The following IMMP2L variants were observed in gnomAD, a reference collection of about 807,000 sequenced individuals.
IMMP2L encodes the protein mitochondrial inner membrane protease subunit 2.
A neutral mutation model predicts 19.3 loss-of-function variants in IMMP2L; 18 were observed. The ratio of observed to expected loss-of-function variants is 0.93; its 90% CI spans 0.64 to 1.38. The LOEUF is 1.38. IMMP2L is among the 40% of genes most tolerant of loss of function. The pLI is 0.00. For missense variants in IMMP2L, 233 were observed against 218.2 expected (o/e 1.07, Z -0.43); for synonymous variants, 76 against 73.0 (o/e 1.04, Z -0.21).
chr7:111,107,801 T>A (rs1049831244), intron 3 of IMMP2L, among the ~76,000 whole-genome samples: 3 of 152,144 alleles, frequency 2.0e-5, no homozygotes, highest in African/African-American at 7.2e-5. Flanking sequence ...TTGCAACATT[T>A]CAAAGCTCTT....
intron 5 of IMMP2L, among the ~76,000 whole-genome samples, chr7:110,748,651 G>T (rs1797520847): frequency 6.6e-6 from 1 of 152,106 alleles, no homozygotes; most frequent in African/African-American, 2.4e-5. Context: ...AATGAGGAAA[G>T]GATTCCCTAT....
chr7:110,736,610 G>A (rs1796654319), intron 5 of IMMP2L, among the ~76,000 whole-genome samples: 1 of 149,208 alleles, frequency 6.7e-6, no homozygotes, highest in South Asian at 2.2e-4. Context: ...TAGAGTCAAA[G>A]ATCATTCTCA....
intron 2 of IMMP2L, among the ~76,000 whole-genome samples, chr7:111,496,257 C>T (rs1343047877): frequency 1.3e-5 from 2 of 152,220 alleles, no homozygotes; most frequent in South Asian, 2.1e-4. Flanking sequence ...ATTTGTCTCA[C>T]TAGGTGTGCA....
At position 110,769,280 on chromosome 7, in the gene IMMP2L, A is replaced by C. The variant is rs568835636; in HGVS notation, c.409-105559T>G. 3.9e-5 allele frequency among the ~76,000 whole-genome samples: 6 copies of C among 152,268 alleles called. No homozygotes were observed. The South Asian group carries it at 1.2e-3, about 32-fold the overall frequency. The stretch of plus-strand genomic sequence containing the variant: ...GCCTTTTTAGCTCTTAAACATCCAC[A>C]TTCACTTCCATGCCATTTTGCATTC... On this transcript the variant is annotated intron_variant, in intron 5 of 5. Coordinates refer to ENST00000405709, the MANE Select transcript of IMMP2L (RefSeq NM_032549.4).
intron 3 of IMMP2L, among the ~76,000 whole-genome samples, chr7:111,144,138 T>C (rs1324455402): frequency 6.6e-6 from 1 of 152,174 alleles, no homozygotes; most frequent in African/African-American, 2.4e-5. Flanking sequence ...GCCAAAACTA[T>C]GAGCACAAAT....
At chr7:111,339,015 G>A (rs1704351690) in intron 3 of IMMP2L, among the ~76,000 whole-genome samples, 1 of 151,960 alleles carries the variant, frequency 6.6e-6, no homozygotes, top group African/African-American at 2.4e-5. Flanking sequence ...TTGTACAAAC[G>A]ATTCTTCCTT....
At chr7:111,513,885 G>A (rs2132594921) in intron 2 of IMMP2L, among the ~76,000 whole-genome samples, 1 of 152,126 alleles carries the variant, frequency 6.6e-6, no homozygotes, top group Admixed American at 6.5e-5. Context: ...ATTTGTGACA[G>A]TGTGGATGAA....
chr7:110,930,781 G>A (rs895802642), intron 4 of IMMP2L, among the ~76,000 whole-genome samples: 2 of 152,138 alleles, frequency 1.3e-5, no homozygotes, highest in Non-Finnish European at 2.9e-5. Context: ...TTTCCACAAA[G>A]TTTAACTACC....
At chr7:111,181,750 T>A (rs1807732332) in intron 3 of IMMP2L, among the ~76,000 whole-genome samples, 1 of 152,022 alleles carries the variant, frequency 6.6e-6, no homozygotes, top group Non-Finnish European at 1.5e-5. Flanking sequence ...AACAAAAAGT[T>A]GACCGTAACT....
At chr7:110,958,439 A>G (rs755299183) in intron 4 of IMMP2L, among the ~76,000 whole-genome samples, 1 of 152,074 alleles carries the variant, frequency 6.6e-6, no homozygotes, top group Non-Finnish European at 1.5e-5. Context: ...AATTTCAAAC[A>G]AATCTTTAAA....
At chr7:111,512,911 A>G (rs921921567) in intron 2 of IMMP2L, among the ~76,000 whole-genome samples, 3 of 152,134 alleles carry the variant, frequency 2.0e-5, no homozygotes, top group Non-Finnish European at 2.9e-5. Context: ...GAAGAAGAAT[A>G]AAATCAGACC....
At chr7:111,055,467 G>T (rs1443552010) in intron 3 of IMMP2L, among the ~76,000 whole-genome samples, 1 of 152,152 alleles carries the variant, frequency 6.6e-6, no homozygotes, top group East Asian at 1.9e-4. Context: ...TGTTTCCATT[G>T]CTAAGATACC....
At chr7:111,186,085 G>C (rs557604085) in intron 3 of IMMP2L, among the ~76,000 whole-genome samples, 1 of 152,188 alleles carries the variant, frequency 6.6e-6, no homozygotes, top group East Asian at 1.9e-4. Context: ...TTTGCTAAAT[G>C]AGTTCAGTAA....
At chr7:111,082,959 T>C (rs528451625) in intron 3 of IMMP2L, among the ~76,000 whole-genome samples, 2 of 152,292 alleles carry the variant, frequency 1.3e-5, no homozygotes, top group African/African-American at 4.8e-5. Flanking sequence ...GTTCCTTCTA[T>C]GCCTAAAGAC....
chr7:111,362,408 T>C (rs1829346366), intron 3 of IMMP2L, among the ~76,000 whole-genome samples: 1 of 152,084 alleles, frequency 6.6e-6, no homozygotes, highest in Non-Finnish European at 1.5e-5. Flanking sequence ...TTTTTTTCTT[T>C]TTTAAAATAG....
chr7:111,091,290 C>T (rs141640326), intron 3 of IMMP2L: 3,480 of 152,332 alleles, frequency 0.023, 51 homozygotes, highest in Non-Finnish European at 0.034. Context: ...GCTGCAGCCT[C>T]CTGCCTTCCT....
At chr7:111,005,311 A>G (rs996427257) in intron 3 of IMMP2L, among the ~76,000 whole-genome samples, 1 of 152,198 alleles carries the variant, frequency 6.6e-6, no homozygotes, top group African/African-American at 2.4e-5. Flanking sequence ...ATAATAGAAG[A>G]AAACCATATA....
chr7:111,558,875 G>T (rs1791685843), intron 1 of IMMP2L, among the ~76,000 whole-genome samples: 1 of 152,144 alleles, frequency 6.6e-6, no homozygotes, highest in African/African-American at 2.4e-5. Context: ...ACTTGAAAAT[G>T]AACTTGTGGA....
At chr7:110,797,867 A>G (rs943615429) in intron 5 of IMMP2L, among the ~76,000 whole-genome samples, 15 of 152,074 alleles carry the variant, frequency 9.9e-5, no homozygotes, top group African/African-American at 3.6e-4. Context: ...GTCAGCATCA[A>G]GAAGTGATAA....
Sources: allele counts gnomAD v4.1 joint callset (sites outside exome capture counted in the v4.1 genomes callset), GRCh38; gene constraint gnomAD v4.1.1; transcripts MANE v1.5; gene names NCBI Gene and HGNC (gene_info 2026-07-23, HGNC 2026-07-21).